DNAAF5: variants seen among roughly 807,000 people sequenced by gnomAD.
DNAAF5 encodes HEAT repeat containing 2.
Under a neutral mutation model 75.8 loss-of-function variants are expected in DNAAF5, and 64 were observed. The ratio of observed to expected loss-of-function variants is 0.84; its 90% CI spans 0.69 to 1.04. The LOEUF (loss-of-function observed/expected upper bound fraction) is 1.04. Among genes scored for constraint, DNAAF5 ranks in the 50% least tolerant of loss-of-function variants. The probability of loss-of-function intolerance (pLI) is 0.00; values close to 1 mark genes in which losing one functional copy is unlikely to be tolerated. For synonymous variants in DNAAF5, 657 were observed against 557.2 expected (o/e 1.18, Z -2.52); for missense variants, 1,269 against 1,178.5 (o/e 1.08, Z -1.12).
At chr7:746,613 C>T (rs957176871) in intron 4 of DNAAF5, among the ~76,000 whole-genome samples, 9 of 151,160 alleles carry the variant, frequency 6.0e-5, no homozygotes, top group African/African-American at 1.9e-4. Flanking sequence ...GGGACTGTGA[C>T]GCCCTCCTTA....
At chr7:760,189 C>T (rs1421372962) in intron 6 of DNAAF5, among the ~76,000 whole-genome samples, 1 of 152,150 alleles carries the variant, frequency 6.6e-6, no homozygotes, top group African/African-American at 2.4e-5. Flanking sequence ...GGTGCAAGGA[C>T]AGAACGCTGC....
chr7:782,838 G>A lies in DNAAF5; in HGVS notation c.2432-2679G>A, dbSNP rs568840139. ...CTGCCATGGCCACCTCCCATCCGGCGGCATCAGAAACTCGGACCTTCCTGG... is the reference window on the plus strand; with the variant it reads ...CTGCCATGGCCACCTCCCATCCGGCAGCATCAGAAACTCGGACCTTCCTGG... On this transcript the variant is annotated intron_variant, in intron 12 of 12. Transcript: ENST00000297440. Among the ~76,000 whole-genome samples the A allele has an allele frequency of 6.5e-4, 97 of 148,872 alleles. 2 individuals carry two copies. Among genetic ancestry groups the A allele is most frequent in the Non-Finnish European group, 4.3e-4 (29 of 67,356 alleles).
chr7:732,123 G>C (rs760322043), intron 2 of DNAAF5, among the ~76,000 whole-genome samples: 1 of 152,246 alleles, frequency 6.6e-6, no homozygotes, highest in Non-Finnish European at 1.5e-5. Context: ...AGGTAGCACA[G>C]CCAGGTGAGC....
chr7:782,423 G>A (rs1233200162), intron 12 of DNAAF5, among the ~76,000 whole-genome samples: 1 of 141,012 alleles, frequency 7.1e-6, no homozygotes, highest in Non-Finnish European at 1.5e-5. Flanking sequence ...CTCACGCGGC[G>A]TCAGAAACTC....
chr7:748,769 G>T (rs1418048037), intron 4 of DNAAF5, among the ~76,000 whole-genome samples: 2 of 152,228 alleles, frequency 1.3e-5, no homozygotes, highest in African/African-American at 4.8e-5. Flanking sequence ...TAGTGGCTCT[G>T]TGAGCACCCA....
At chr7:751,570 A>ATTT (rs11439744) in intron 4 of DNAAF5, among the ~76,000 whole-genome samples, 1 of 92,280 alleles carries the variant, frequency 1.1e-5, no homozygotes, top group Non-Finnish European at 2.1e-5. Context: ...GTTGTTCTGA[A>ATTT]TTTTTTTTTT....
intron 10 of DNAAF5, 47 bp from the exon 11 acceptor site, chr7:774,959 A>G: frequency 6.3e-7 from 1 of 1,597,828 alleles, no homozygotes; most frequent in Non-Finnish European, 8.6e-7. Context: ...CCCCCACCCC[A>G]CCCCAGGACA....
At chr7:733,687 A>T (rs1307861794) in intron 2 of DNAAF5, among the ~76,000 whole-genome samples, 1 of 152,014 alleles carries the variant, frequency 6.6e-6, no homozygotes, top group African/African-American at 2.4e-5. Flanking sequence ...TAGTAGAGAC[A>T]GTTTCACCAT....
chr7:727,139 A>T lies in DNAAF5; in HGVS notation c.419A>T (p.Glu140Val). 1 of 1,232,732 alleles carries T rather than the reference A, an allele frequency of 8.1e-7. No individual in the cohort carries two copies. Among genetic ancestry groups the T allele is most frequent in the Non-Finnish European group, 1.0e-6 (1 of 984,580 alleles). 76.4% of individuals were successfully genotyped at this position (1,232,732 alleles called of 1,614,324 possible). A position where few individuals can be genotyped will look rare whatever the true frequency, so the allele number is the denominator to read the frequency against. Reference sequence around the variant, plus strand: ...CGCCGCCCGCCCGAGGCCTGTGAGGAGCTGCGCCTGGCGCTTGTGCAGCTG... The same window carrying T: ...CGCCGCCCGCCCGAGGCCTGTGAGGTGCTGCGCCTGGCGCTTGTGCAGCTG... Reference protein sequence around the residue: ...PARRPPEACEELRLALVQLLG... With the variant: ...PARRPPEACEVLRLALVQLLG... The change falls in exon 1 of 13, where the codon GAG (glutamate) becomes GTG (valine). Residue 140 changes from glutamate to valine, a missense_variant. Coordinates refer to ENST00000297440, the MANE Select transcript of DNAAF5 (RefSeq NM_017802.4).
intron 10 of DNAAF5, among the ~76,000 whole-genome samples, chr7:774,656 G>T (rs1161024361): frequency 6.6e-6 from 1 of 152,114 alleles, no homozygotes; most frequent in Admixed American, 6.5e-5. Context: ...GGAAGGCGCT[G>T]CCCTGGGCGC....
chr7:769,338 G>C (rs1319811347), intron 8 of DNAAF5: 4 of 633,444 alleles, frequency 6.3e-6, no homozygotes, highest in South Asian at 1.7e-5. Context: ...GGCTGAGCCT[G>C]GCAGGAGACG....
In DNAAF5 at chr7:754,030, G is replaced by A. The variant is rs7780200; in HGVS notation, c.1025-559G>A. 4.3e-3 allele frequency among the ~76,000 whole-genome samples: 625 copies of A among 144,850 alleles called. 5 individuals carry two copies. The highest frequency in any genetic ancestry group is 0.015 in the African/African-American group (582 of 38,724). On this transcript the variant is annotated intron_variant, in intron 4 of 12. Transcript: ENST00000297440. This position sits in a 1 kb window ranked among gnomAD's most constrained non-coding sequence, Gnocchi z 4.8. ...ATCATAGGGGGACGGCTTCGCAGGC[G>A]TGTCTCTCATCATATGGCGATGGCT...
At chr7:747,101 C>G (rs1782140691) in intron 4 of DNAAF5, among the ~76,000 whole-genome samples, 1 of 152,222 alleles carries the variant, frequency 6.6e-6, no homozygotes, top group Non-Finnish European at 1.5e-5. Context: ...CACTTGCAGA[C>G]TGGTTTTTGT....
At chr7:739,970 T>C (rs901360052) in intron 2 of DNAAF5, among the ~76,000 whole-genome samples, 1 of 152,080 alleles carries the variant, frequency 6.6e-6, no homozygotes, top group Non-Finnish European at 1.5e-5. Flanking sequence ...ATCCAAAGTG[T>C]CAGGAGGGAT....
intron 1 of DNAAF5, among the ~76,000 whole-genome samples, chr7:728,193 C>T (rs1360549363): frequency 1.3e-5 from 2 of 152,132 alleles, no homozygotes; most frequent in Non-Finnish European, 2.9e-5. Context: ...TTGCCCTTTC[C>T]CTCCCCTGGC....
intron 4 of DNAAF5, among the ~76,000 whole-genome samples, chr7:749,558 A>G (rs1782223834): frequency 6.6e-6 from 1 of 152,188 alleles, no homozygotes; most frequent in Non-Finnish European, 1.5e-5. Flanking sequence ...GTTTGGAAAG[A>G]TGGAAGCTTG....
rs1462689116 is a variant in DNAAF5 at position 754,793 on chromosome 7, C to T, written c.1229C>T (p.Thr410Ile). Residue 410 changes from threonine (T) to isoleucine (I), a missense_variant, in exon 5 of 13, where the codon ACC becomes ATC. Coordinates refer to ENST00000297440, the MANE Select transcript of DNAAF5 (RefSeq NM_017802.4). The surrounding 1 kb of genome is among the most constrained non-coding windows in gnomAD (Gnocchi z 4.8). ...CTCCGGACCCTGTTCCAGGCCTGCA[C>T]CGACGAGGAGGCAGCCGTGGTCCAA... ...VVLRTLFQAC[T>I]DEEAAVVQSC... The T allele has an allele frequency of 3.1e-6, 5 of 1,608,860 alleles. No homozygotes were observed. In the African/African-American group the frequency reaches 4.0e-5, roughly 13 times the overall value.
At chr7:764,009 G>A (rs767120346) in intron 8 of DNAAF5, 35 bp downstream of exon 8, 5 of 1,595,982 alleles carry the variant, frequency 3.1e-6, no homozygotes, top group Non-Finnish European at 3.4e-6. Flanking sequence ...GCCGTGCCTG[G>A]CCCCACTCAG....
At position 785,958 on chromosome 7, in the gene DNAAF5, G is replaced by A. The variant is rs549617320; in HGVS notation, c.*305G>A. 3.3e-5 allele frequency: 10 copies of A among 304,298 alleles called. No homozygotes were observed. Among genetic ancestry groups the A allele is most frequent in the Admixed American group, 2.0e-4 (4 of 20,288 alleles). 18.8% of individuals were successfully genotyped at this position (304,298 alleles called of 1,614,324 possible). On this transcript the variant is annotated 3_prime_UTR_variant, in exon 13 of 13. Coordinates refer to ENST00000297440, the MANE Select transcript of DNAAF5 (RefSeq NM_017802.4). Reference sequence around the variant, plus strand: ...CAGCATCTTAGATTTTAAGCCTCACGTGCGCAGCTGGTTCATGAACTATTG... The same window carrying A: ...CAGCATCTTAGATTTTAAGCCTCACATGCGCAGCTGGTTCATGAACTATTG...
Sources: allele counts gnomAD v4.1 joint callset (sites outside exome capture counted in the v4.1 genomes callset), GRCh38; gene constraint gnomAD v4.1.1; non-coding constraint Gnocchi (gnomAD v3.1); transcripts MANE v1.5; gene names NCBI Gene and HGNC (gene_info 2026-07-23, HGNC 2026-07-21).